Variants in SEC22A observed in about 807,000 individuals in gnomAD.
The protein encoded by SEC22A is SEC22 homolog A, vesicle trafficking protein.
In SEC22A, 22 loss-of-function variants were observed where a neutral mutation model predicts 35.3. That is an observed-to-expected ratio of 0.62 (90% CI 0.45 to 0.89). The LOEUF (loss-of-function observed/expected upper bound fraction) is 0.89, where lower values mean the gene tolerates loss of function less well. Ranked by LOEUF, SEC22A falls within the 40% of genes least tolerant of loss-of-function variation. SEC22A has a pLI of 0.00. For synonymous variants in SEC22A, 119 were observed against 129.5 expected, an observed-to-expected ratio of 0.92 and a Z score of 0.55; for missense variants, 354 against 362.5, an observed-to-expected ratio of 0.98 and a Z score of 0.19.
At chr3:123,221,829 C>A (rs1288274144) in intron 2 of SEC22A, among the ~76,000 whole-genome samples, 1 of 152,106 alleles carries the variant, frequency 6.6e-6, no homozygotes, top group African/African-American at 2.4e-5. Context: ...AACACCTGTT[C>A]CCATAGTCAC....
At chr3:123,204,552 C>T (rs926843910) in intron 1 of SEC22A, among the ~76,000 whole-genome samples, 4 of 152,222 alleles carry the variant, frequency 2.6e-5, no homozygotes, top group African/African-American at 9.7e-5. Context: ...GTCATTACCC[C>T]TACAAGGTTC....
Position 123,223,694 on chromosome 3 carries a change from T to A in SEC22A, c.318T>A (p.Ala106=), listed in dbSNP as rs143235118. 6.2e-7 allele frequency: 1 copy of A among 1,613,482 alleles called. No individual in the cohort carries two copies. The highest frequency in any genetic ancestry group is 8.5e-7 in the Non-Finnish European group (1 of 1,179,698). The part of the protein sequence containing the change: ...TTYNMMKTNT[A]VRPYCFIEFD... ...ATAACATGATGAAGACAAATACTGCTGTCAGACCATACTGTTTCATTGAAT... is the reference window on the plus strand; with the variant it reads ...ATAACATGATGAAGACAAATACTGCAGTCAGACCATACTGTTTCATTGAAT... The change falls in exon 3 of 7, where the codon GCT becomes GCA. Residue 106 remains alanine (A), a synonymous_variant. Coordinates refer to ENST00000492595, the MANE Select transcript of SEC22A (RefSeq NM_012430.5).
At position 123,272,659 on chromosome 3, in the gene SEC22A, T is replaced by C. The variant is rs968194134; in HGVS notation, c.*937T>C. 6.5e-6 allele frequency: 1 copy of C among 153,176 alleles called. No individual in the cohort carries two copies. The highest frequency in any genetic ancestry group is 2.4e-5 in the African/African-American group (1 of 41,450). The allele number at this position is 153,176 out of a possible 1,614,324, so 9.5% of individuals were successfully genotyped here. ...AGGCTCCGAATCTTAGGCTCTTTCTTTGTGGCAGTGAGGGAGATGTTACCA... is the reference window on the plus strand; with the variant it reads ...AGGCTCCGAATCTTAGGCTCTTTCTCTGTGGCAGTGAGGGAGATGTTACCA... On this transcript the variant is annotated 3_prime_UTR_variant, in exon 7 of 7. Transcript: ENST00000492595.
intron 5 of SEC22A, among the ~76,000 whole-genome samples, chr3:123,255,182 A>G (rs1937699077): frequency 6.6e-6 from 1 of 152,244 alleles, no homozygotes; most frequent in Non-Finnish European, 1.5e-5. Flanking sequence ...AAACATAGAC[A>G]CAAGTCACTG....
chr3:123,240,673 G>A (rs1386251952), intron 4 of SEC22A, among the ~76,000 whole-genome samples: 1 of 152,130 alleles, frequency 6.6e-6, no homozygotes, highest in Non-Finnish European at 1.5e-5. Context: ...TCAAAAGGTT[G>A]CCTGTTTAAG....
At chr3:123,213,541 C>T (rs564660327) in intron 2 of SEC22A, among the ~76,000 whole-genome samples, 1 of 152,300 alleles carries the variant, frequency 6.6e-6, no homozygotes, top group African/African-American at 2.4e-5. Flanking sequence ...GATCTCACTC[C>T]TTTCACAGAT....
Position 123,273,923 on chromosome 3 carries a change from G to A in SEC22A, c.*2201G>A, listed in dbSNP as rs185137356. On this transcript the variant is annotated 3_prime_UTR_variant, in exon 7 of 7. Transcript: ENST00000492595. Reference sequence around the variant, plus strand: ...TATTGACACAGCTCGCACCAGTTTGGTTCAGGAGCTACCTCCTTGTCATTG... The same window carrying A: ...TATTGACACAGCTCGCACCAGTTTGATTCAGGAGCTACCTCCTTGTCATTG... The A allele has an allele frequency of 1.3e-5, 2 of 152,300 alleles. No individual in the cohort carries two copies. The highest frequency in any genetic ancestry group is 3.9e-4 in the East Asian group (2 of 5,182). The allele number at this position is 152,300 out of a possible 1,614,324, so 9.4% of individuals were successfully genotyped here.
At chr3:123,219,353 A>G (rs569027850) in intron 2 of SEC22A, among the ~76,000 whole-genome samples, 1 of 152,204 alleles carries the variant, frequency 6.6e-6, no homozygotes, top group Non-Finnish European at 1.5e-5. Flanking sequence ...CGGGAATAAA[A>G]TAGAGATTGA....
Position 123,201,954 on chromosome 3 carries a change from C to T in SEC22A, c.-52C>T, listed in dbSNP as rs1263037683. On this transcript the variant is annotated 5_prime_UTR_variant, in exon 1 of 7. Transcript: ENST00000492595. Reference sequence around the variant, plus strand: ...AGGCCCCACAATGCACTTCGGGGCGCGTCACTCGGAGCGGCGGGTCCCGTC... The same window carrying T: ...AGGCCCCACAATGCACTTCGGGGCGTGTCACTCGGAGCGGCGGGTCCCGTC... 6.5e-6 allele frequency: 1 copy of T among 152,672 alleles called. No individual in the cohort carries two copies. Among genetic ancestry groups the T allele is most frequent in the Non-Finnish European group, 1.5e-5 (1 of 68,104 alleles). 9.5% of individuals were successfully genotyped at this position (152,672 alleles called of 1,614,324 possible). A position where few individuals can be genotyped will look rare whatever the true frequency, so the allele number is the denominator to read the frequency against.
Position 123,246,021 on chromosome 3 carries a change from T to A in SEC22A, c.657+7T>A, listed in dbSNP as rs1384860964. 6.7e-7 allele frequency: 1 copy of A among 1,495,798 alleles called. No individual in the cohort carries two copies. Among genetic ancestry groups the A allele is most frequent in the Admixed American group, 1.7e-5 (1 of 58,220 alleles). 92.7% of individuals were successfully genotyped at this position (1,495,798 alleles called of 1,614,324 possible). A position where few individuals can be genotyped will look rare whatever the true frequency, so the allele number is the denominator to read the frequency against. ...TATAGAAAGTCTCCTGCAGGTACTG[T>A]GCTATTTTTGCAATTTCAGGTGACT... On this transcript the variant is annotated splice_region_variant and intron_variant, in intron 5 of 6. Coordinates refer to ENST00000492595, the MANE Select transcript of SEC22A (RefSeq NM_012430.5).
At chr3:123,251,557 C>G (rs1370105664) in intron 5 of SEC22A, among the ~76,000 whole-genome samples, 2 of 152,038 alleles carry the variant, frequency 1.3e-5, no homozygotes, top group Non-Finnish European at 2.9e-5. Flanking sequence ...ATTCCACATA[C>G]ACTCATTTAG....
Position 123,271,840 on chromosome 3 carries a change from C to A in SEC22A, c.*118C>A. On this transcript the variant is annotated 3_prime_UTR_variant, in exon 7 of 7. Transcript: ENST00000492595. ...GGAGAAGCTCTGCTTTCTTTCTCTC[C>A]AACTTTCCTTTTTTAAAATCAGCAT... 1 of 843,374 alleles carries A rather than the reference C, an allele frequency of 1.2e-6. No individual in the cohort carries two copies. The allele number at this position is 843,374 out of a possible 1,614,324, so 52.2% of individuals were successfully genotyped here. A position where few individuals can be genotyped will look rare whatever the true frequency, so the allele number is the denominator to read the frequency against.
chr3:123,234,159 T>G (rs1489190257), intron 4 of SEC22A, among the ~76,000 whole-genome samples: 1 of 152,230 alleles, frequency 6.6e-6, no homozygotes, highest in East Asian at 1.9e-4. Context: ...AGTCTCATGT[T>G]CATGGATTGA....
rs886934005 is a variant in SEC22A, at chr3:123,271,756, G to A, written c.*34G>A. The A allele has an allele frequency of 6.4e-7, 1 of 1,571,520 alleles. No homozygotes were observed. The highest frequency in any genetic ancestry group is 1.4e-5 in the African/African-American group (1 of 74,010). On this transcript the variant is annotated 3_prime_UTR_variant, in exon 7 of 7. Transcript: ENST00000492595. Reference sequence around the variant, plus strand: ...TTCAGATCTATTGCCTTGGCTTCAGGGGGATAAGGAGGGAACATATCATAA... The same window carrying A: ...TTCAGATCTATTGCCTTGGCTTCAGAGGGATAAGGAGGGAACATATCATAA...
chr3:123,271,556 A>G lies in SEC22A; in HGVS notation c.758A>G (p.Asn253Ser). ...CTTGTCTACTACACCGGCTGGCGGAATGTCAAATCTTTTTTGACTTTTGGC... is the reference window on the plus strand; with the variant it reads ...CTTGTCTACTACACCGGCTGGCGGAGTGTCAAATCTTTTTTGACTTTTGGC... ...YLLVYYTGWR[N>S]VKSFLTFGLI... The change falls in exon 7 of 7, where the codon AAT becomes AGT. Residue 253 changes from asparagine to serine, a missense_variant. Physicochemically the swap from Asn to Ser is conservative, Grantham distance 46 (BLOSUM62 1). Coordinates refer to ENST00000492595, the MANE Select transcript of SEC22A (RefSeq NM_012430.5). The G allele has an allele frequency of 5.0e-6, 8 of 1,614,022 alleles. No homozygotes were observed. The highest frequency in any genetic ancestry group is 6.8e-6 in the Non-Finnish European group (8 of 1,180,028).
intron 5 of SEC22A, among the ~76,000 whole-genome samples, chr3:123,248,408 A>G (rs1378774768): frequency 6.6e-6 from 1 of 152,252 alleles, no homozygotes; most frequent in African/African-American, 2.4e-5. Flanking sequence ...TGAGGTTAAT[A>G]TACAAAACTC....
intron 4 of SEC22A, among the ~76,000 whole-genome samples, chr3:123,241,211 T>A (rs1008320044): frequency 2.6e-5 from 4 of 152,044 alleles, no homozygotes; most frequent in Admixed American, 2.6e-4. Flanking sequence ...TGATACATGC[T>A]CCAAAAGAGG....
intron 4 of SEC22A, among the ~76,000 whole-genome samples, chr3:123,240,672 T>C (rs917139917): frequency 1.3e-5 from 2 of 152,206 alleles, no homozygotes; most frequent in Admixed American, 6.5e-5. Flanking sequence ...GTCAAAAGGT[T>C]GCCTGTTTAA....
At chr3:123,209,739 T>A (rs1936908166) in intron 2 of SEC22A, among the ~76,000 whole-genome samples, 1 of 152,226 alleles carries the variant, frequency 6.6e-6, no homozygotes, top group African/African-American at 2.4e-5. Context: ...CTCAAAGAAC[T>A]GAAGCAACTT....
Sources: gnomAD v4.1 joint callset for allele counts (sites outside exome capture counted in the v4.1 genomes callset) on GRCh38, gnomAD v4.1.1 for gene constraint, MANE v1.5 for transcripts, NCBI Gene and HGNC (gene_info 2026-07-23, HGNC 2026-07-21) for gene names.